Variants in KLF8 observed in about 807,000 individuals in gnomAD.
KLF8 encodes the protein Krueppel-like factor 8.
In KLF8, 10 loss-of-function variants were observed where a neutral mutation model predicts 18.2. The ratio of observed to expected loss-of-function variants is 0.55; its 90% CI spans 0.34 to 0.93. KLF8 has a LOEUF of 0.93. Ranked by LOEUF, KLF8 falls within the 40% of genes least tolerant of loss-of-function variation. KLF8 has a pLI of 0.02. For synonymous variants in KLF8, 109 were observed against 97.3 expected, an observed-to-expected ratio of 1.12 and a Z score of -0.71; for missense variants, 264 against 277.9, an observed-to-expected ratio of 0.95 and a Z score of 0.36.
At chrX:56,003,407 A>AAAATAAATAAAT in the KLF8 span, among the ~76,000 whole-genome samples, 10 of 100,278 alleles carry the variant, frequency 1.0e-4, no homozygotes, top group East Asian at 9.1e-4. Context: ...GAGACTCCGT[A>AAAATAAATAAAT]AAATAAATAA....
the KLF8 span, among the ~76,000 whole-genome samples, chrX:55,958,203 T>C: frequency 1.9e-4 from 21 of 112,124 alleles, no homozygotes; most frequent in African/African-American, 5.8e-4. Flanking sequence ...ACATGCAGTA[T>C]GAATAGAAGA....
At chrX:55,923,764 A>G in the KLF8 span, among the ~76,000 whole-genome samples, 8 of 109,696 alleles carry the variant, frequency 7.3e-5, no homozygotes, top group Admixed American at 4.9e-4. Context: ...ATATACACAT[A>G]TATATTTGTG....
chrX:56,051,136 T>C, the KLF8 span, among the ~76,000 whole-genome samples: 1 of 111,305 alleles, frequency 9.0e-6, no homozygotes, highest in Admixed American at 9.6e-5. Flanking sequence ...TCTTCCTCCA[T>C]CCTTTTATTT....
chrX:56,258,268 TTTG>T (rs759457738), intron 2 of KLF8, among the ~76,000 whole-genome samples: 4 of 111,981 alleles, frequency 3.6e-5, no homozygotes, highest in South Asian at 3.8e-4. Flanking sequence ...CATAGCTACC[TTTG>T]TTGTTGTTGT....
chrX:55,956,124 TC>T, the KLF8 span, among the ~76,000 whole-genome samples: 9 of 75,211 alleles, frequency 1.2e-4, no homozygotes, highest in East Asian at 7.1e-4. Context: ...TAAATATCTA[TC>T]TATTTATCTA....
the KLF8 span, among the ~76,000 whole-genome samples, chrX:55,995,750 G>A: frequency 9.0e-6 from 1 of 111,677 alleles, no homozygotes; most frequent in Non-Finnish European, 1.9e-5. Context: ...AACTTCCACT[G>A]TTATTGTAAA....
chrX:56,217,802 C>T, the KLF8 span, among the ~76,000 whole-genome samples: 15 of 111,249 alleles, frequency 1.3e-4, no homozygotes, highest in Non-Finnish European at 2.8e-4. Flanking sequence ...AGGCAGAACG[C>T]TGAAATGGAG....
chrX:56,090,010 T>G, the KLF8 span, among the ~76,000 whole-genome samples: 3 of 112,123 alleles, frequency 2.7e-5, no homozygotes, highest in African/African-American at 9.7e-5. Context: ...TACCAGAGCT[T>G]AACCAAGTTG....
the KLF8 span, among the ~76,000 whole-genome samples, chrX:56,223,433 A>T: frequency 1.8e-5 from 2 of 112,378 alleles, no homozygotes; most frequent in African/African-American, 6.5e-5. Flanking sequence ...CCCCAATACT[A>T]TGGCCCCTTG....
the KLF8 span, among the ~76,000 whole-genome samples, chrX:56,065,955 T>G: frequency 9.0e-6 from 1 of 111,589 alleles, no homozygotes; most frequent in Non-Finnish European, 1.9e-5. Flanking sequence ...TGTGCCTAGT[T>G]TTGGGCCCCA....
At chrX:56,222,302 G>A in the KLF8 span, among the ~76,000 whole-genome samples, 2 of 109,115 alleles carry the variant, frequency 1.8e-5, no homozygotes, top group Non-Finnish European at 3.8e-5. Context: ...AGAGAGTGCC[G>A]ATTGGTGTAT....
the KLF8 span, among the ~76,000 whole-genome samples, chrX:56,042,264 G>C: frequency 9.4e-6 from 1 of 106,206 alleles, no homozygotes; most frequent in Non-Finnish European, 1.9e-5. Context: ...CAGTTCTTTT[G>C]CATTTGCCGA....
chrX:56,131,137 G>C, the KLF8 span, among the ~76,000 whole-genome samples: 1 of 111,672 alleles, frequency 9.0e-6, no homozygotes, highest in South Asian at 3.7e-4. Flanking sequence ...GAAGCTAAAA[G>C]AACACCTGGG....
chrX:56,093,941 GTGTGTGTGTA>G, the KLF8 span, among the ~76,000 whole-genome samples: 24 of 105,368 alleles, frequency 2.3e-4, no homozygotes, highest in African/African-American at 6.6e-4. Context: ...GTGTGTGTGT[GTGTGTGTGTA>G]TGAGAGAGAA....
chrX:56,056,849 A>AG, the KLF8 span, among the ~76,000 whole-genome samples: 1 of 108,966 alleles, frequency 9.2e-6, no homozygotes. Flanking sequence ...AAAAAAAAAA[A>AG]AAAAGAAATG....
At chrX:56,162,209 T>A in the KLF8 span, among the ~76,000 whole-genome samples, 4 of 111,983 alleles carry the variant, frequency 3.6e-5, no homozygotes, top group East Asian at 1.1e-3. Flanking sequence ...TTAGGATACT[T>A]GGGGGTCATG....
chrX:56,050,692 G>T, the KLF8 span, among the ~76,000 whole-genome samples: 3 of 112,093 alleles, frequency 2.7e-5, no homozygotes, highest in Non-Finnish European at 5.6e-5. Context: ...TTCCACCTAT[G>T]TGGTCAATTT....
At chrX:55,961,614 C>A in the KLF8 span, 1 of 445,931 alleles carries the variant, frequency 2.2e-6, no homozygotes, top group Admixed American at 2.8e-5. Context: ...GAACTGCGAC[C>A]TTAACGATCA....
the KLF8 span, among the ~76,000 whole-genome samples, chrX:56,022,373 C>T: frequency 9.2e-6 from 1 of 108,114 alleles, no homozygotes; most frequent in Non-Finnish European, 1.9e-5. Flanking sequence ...AGTGAAACCC[C>T]GTGCCTACTA....
Sources: gnomAD v4.1 joint callset for allele counts (sites outside exome capture counted in the v4.1 genomes callset) on GRCh38, gnomAD v4.1.1 for gene constraint, MANE v1.5 for transcripts, NCBI Gene and HGNC (gene_info 2026-07-23, HGNC 2026-07-21) for gene names.